PLPPR3: variants seen among roughly 807,000 people sequenced by gnomAD.
PLPPR3 encodes phospholipid phosphatase related 3.
A neutral mutation model predicts 27.3 loss-of-function variants in PLPPR3; 14 were observed. The ratio of observed to expected loss-of-function variants is 0.51; its 90% CI spans 0.34 to 0.80. The LOEUF (loss-of-function observed/expected upper bound fraction) is 0.80, where lower values mean the gene tolerates loss of function less well. PLPPR3 is among the 30% of genes least tolerant of loss of function. The pLI is 0.01. For missense variants in PLPPR3, 1,287 were observed against 1,056.9 expected (o/e 1.22, Z -3.02); for synonymous variants, 671 against 508.0 (o/e 1.32, Z -4.32).
Position 812,856 on chromosome 19 carries a change from AG to A in PLPPR3, c.1870del (p.Leu624TrpfsTer118). On this transcript the variant is annotated frameshift_variant, in exon 8 of 8. Transcript: ENST00000520876. LOFTEE classifies it low-confidence loss of function (END_TRUNC). ...GGCCCCGCCGCGGAAGCCGCGCGCC[AG>A]GTCCCCCAGCTCGTAGCCGCCGTCG... ...EADGGYELGD[L>X]ARGFRGGAKP... is the part of the protein sequence containing the mutation. 8.6e-7 allele frequency: 1 copy of A among 1,157,206 alleles called. No individual in the cohort carries two copies. Among genetic ancestry groups the A allele is most frequent in the South Asian group, 2.7e-5 (1 of 36,714 alleles). 71.7% of individuals were successfully genotyped at this position (1,157,206 alleles called of 1,614,324 possible).
rs755859311 is a variant in PLPPR3, at chr19:813,374, T to TTCCTCTTCGTCCTCC, written c.1338_1352dup (p.Asp448_Glu452dup). 6.7e-7 allele frequency: 1 copy of TTCCTCTTCGTCCTCC among 1,494,746 alleles called. No homozygotes were observed. 92.6% of individuals were successfully genotyped at this position (1,494,746 alleles called of 1,614,324 possible). A position where few individuals can be genotyped will look rare whatever the true frequency, so the allele number is the denominator to read the frequency against. On this transcript the variant is annotated inframe_insertion, in exon 8 of 8. Coordinates refer to ENST00000520876, the MANE Select transcript of PLPPR3 (RefSeq NM_001270366.2). This position sits in a 1 kb window ranked among gnomAD's most constrained non-coding sequence, Gnocchi z 4.1. ...CCTCCTCCTCTTCCTCCTCCTCCTCTTCCTCTTCGTCCTCCTCCTCTTCCT... is the reference window on the plus strand; with the variant it reads ...CCTCCTCCTCTTCCTCCTCCTCCTCTTCCTCTTCGTCCTCCTCCTCTTCGTCCTCCTCCTCTTCCT...
In PLPPR3 at chr19:812,546, CCG is replaced by C; in HGVS notation, c.*22_*23del. ...GCCGCCCGCGCCCTCGGCCCGCCCC[CCG>C]CCCGCCCCCGGCCCCGCCGCGCTAG... On this transcript the variant is annotated 3_prime_UTR_variant, in exon 8 of 8. Coordinates refer to ENST00000520876, the MANE Select transcript of PLPPR3 (RefSeq NM_001270366.2). The C allele has an allele frequency of 5.1e-6, 5 of 974,076 alleles. No individual in the cohort carries two copies. Among genetic ancestry groups the C allele is most frequent in the Non-Finnish European group, 6.1e-6 (5 of 817,448 alleles). The allele number at this position is 974,076 out of a possible 1,614,324, so 60.3% of individuals were successfully genotyped here.
rs1376622398 is a variant in PLPPR3 at position 819,224 on chromosome 19, G to A, written c.75+2261C>T. Among the ~76,000 whole-genome samples the A allele has an allele frequency of 5.1e-5, 5 of 97,370 alleles. 1 individual carries two copies. Among genetic ancestry groups the A allele is most frequent in the African/African-American group, 1.5e-4 (3 of 19,854 alleles). The allele number at this position is 97,370 out of a possible 152,430, so 63.9% of individuals were successfully genotyped here. A position where few individuals can be genotyped will look rare whatever the true frequency, so the allele number is the denominator to read the frequency against. ...ACTCCTGACCTCAGGTGATCTGCCC[G>A]TCCCGGCCTCCCAAAGTGCTGGGAT... On this transcript the variant is annotated intron_variant, in intron 2 of 7. Transcript: ENST00000520876.
rs748974708 is a variant in PLPPR3 at position 815,693 on chromosome 19, G to T, written c.234C>A (p.Ser78Arg). The change falls in exon 3 of 8, where the codon AGC becomes AGA. Residue 78 changes from serine to arginine, a missense_variant. Transcript: ENST00000520876. ...AGGCGGCAGGGGCCGCGAAGGCCAA[G>T]CTGAGCAGCATCAGCAGCGGGATGA... The part of the protein sequence containing the change: ...EELIPLLMLL[S>R]LAFAAPAASI... 1 of 1,603,214 alleles carries T rather than the reference G, an allele frequency of 6.2e-7. No homozygotes were observed. The highest frequency in any genetic ancestry group is 1.1e-5 in the South Asian group (1 of 89,812).
In PLPPR3 at chr19:821,180, C is replaced by T. The variant is rs539288410; in HGVS notation, c.75+305G>A. Reference sequence around the variant, plus strand: ...CCCACCCCCTCCGGCCTCCCCGCCCCCTCCAGGCCCCCAGCCCCCGACCCC... The same window carrying T: ...CCCACCCCCTCCGGCCTCCCCGCCCTCTCCAGGCCCCCAGCCCCCGACCCC... On this transcript the variant is annotated intron_variant, in intron 2 of 7. Coordinates refer to ENST00000520876, the MANE Select transcript of PLPPR3 (RefSeq NM_001270366.2). Among the ~76,000 whole-genome samples, 29 of 148,524 alleles carry T rather than the reference C, an allele frequency of 2.0e-4. 1 individual carries two copies. In the Admixed American group the frequency reaches 2.0e-3, roughly 10 times the overall value.
chr19:813,081 G>A lies in PLPPR3; in HGVS notation c.1646C>T (p.Pro549Leu). ...VIAMSKAPGA[P>L]GPKAAETASS... Reference sequence around the variant, plus strand: ...CGCCGTCTCGGCCGCCTTGGGGCCCGGCGCGCCCGGAGCCTTGGACATGGC... The same window carrying A: ...CGCCGTCTCGGCCGCCTTGGGGCCCAGCGCGCCCGGAGCCTTGGACATGGC... Residue 549 changes from proline to leucine, a missense_variant, in exon 8 of 8, where the codon CCG becomes CTG. Pro to Leu is a moderately conservative substitution (Grantham distance 98). Coordinates refer to ENST00000520876, the MANE Select transcript of PLPPR3 (RefSeq NM_001270366.2). This position sits in a 1 kb window ranked among gnomAD's most constrained non-coding sequence, Gnocchi z 4.1. The A allele has an allele frequency of 2.0e-6, 3 of 1,496,926 alleles. No homozygotes were observed. In the South Asian group the frequency reaches 3.8e-5, roughly 19 times the overall value. The allele number at this position is 1,496,926 out of a possible 1,614,324, so 92.7% of individuals were successfully genotyped here.
Position 813,167 on chromosome 19 carries a change from G to A in PLPPR3, c.1560C>T (p.Leu520=). The part of the protein sequence containing the change: ...KSGAGVRAKW[L]MMAEKSGAAV... ...CCGCCCCGCTCTTCTCGGCCATCAT[G>A]AGCCACTTGGCGCGCACCCCGGCGC... The change falls in exon 8 of 8, where the codon CTC becomes CTT. Residue 520 remains leucine (L), a synonymous_variant. Transcript: ENST00000520876. The surrounding 1 kb of genome is among the most constrained non-coding windows in gnomAD (Gnocchi z 4.1). 1 of 1,520,858 alleles carries A rather than the reference G, an allele frequency of 6.6e-7. No homozygotes were observed. The allele number at this position is 1,520,858 out of a possible 1,614,324, so 94.2% of individuals were successfully genotyped here. A position where few individuals can be genotyped will look rare whatever the true frequency, so the allele number is the denominator to read the frequency against.
chr19:813,167 G>T lies in PLPPR3; in HGVS notation c.1560C>A (p.Leu520=). The change falls in exon 8 of 8, where the codon CTC becomes CTA. Residue 520 remains leucine (L), a synonymous_variant. Coordinates refer to ENST00000520876, the MANE Select transcript of PLPPR3 (RefSeq NM_001270366.2). This position sits in a 1 kb window ranked among gnomAD's most constrained non-coding sequence, Gnocchi z 4.1. ...KSGAGVRAKW[L]MMAEKSGAAV... is the part of the protein sequence containing the mutation. The stretch of plus-strand genomic sequence containing the variant: ...CCGCCCCGCTCTTCTCGGCCATCAT[G>T]AGCCACTTGGCGCGCACCCCGGCGC... 1 of 1,520,858 alleles carries T rather than the reference G, an allele frequency of 6.6e-7. No homozygotes were observed. The allele number at this position is 1,520,858 out of a possible 1,614,324, so 94.2% of individuals were successfully genotyped here.
intron 4 of PLPPR3, 25 bp from the exon 5 acceptor site, chr19:815,106 G>T (rs1363286835): frequency 6.2e-7 from 1 of 1,601,376 alleles, no homozygotes; most frequent in South Asian, 1.1e-5. Flanking sequence ...GCTCGGCCAG[G>T]CGGGGAGCTG....
intron 2 of PLPPR3, among the ~76,000 whole-genome samples, chr19:817,254 A>C (rs1383726574): frequency 6.6e-6 from 1 of 152,070 alleles, no homozygotes; most frequent in Non-Finnish European, 1.5e-5. Flanking sequence ...CTGGGATTAG[A>C]GGCGTGAGGC....
intron 2 of PLPPR3, among the ~76,000 whole-genome samples, chr19:818,699 A>C (rs1482998096): frequency 6.6e-6 from 1 of 151,374 alleles, no homozygotes; most frequent in South Asian, 2.1e-4. Flanking sequence ...GCGCCCGGCT[A>C]ATTTTTTGTA....
At position 814,512 on chromosome 19, in the gene PLPPR3, C is replaced by T. The variant is rs756591811; in HGVS notation, c.753G>A (p.Thr251=). The T allele has an allele frequency of 4.3e-6, 7 of 1,611,072 alleles. No homozygotes were observed. The African/African-American group carries it at 5.3e-5, about 12-fold the overall frequency. Residue 251 remains threonine, a synonymous_variant, in exon 7 of 8, where the codon ACG becomes ACA. Coordinates refer to ENST00000520876, the MANE Select transcript of PLPPR3 (RefSeq NM_001270366.2). ...FAIAAGVCGL[T]QITQYRSHPV... The stretch of plus-strand genomic sequence containing the variant: ...GGTGGCTGCGGTACTGCGTGATCTG[C>T]GTGAGCCCGCATACGCCCGCGGCGA...
chr19:823,211 GC>G (rs2035174205), upstream of PLPPR3, among the ~76,000 whole-genome samples: 1 of 151,856 alleles, frequency 6.6e-6, no homozygotes, highest in African/African-American at 2.4e-5. Context: ...GGAGGCAGAG[GC>G]GGGAGGATCC....
At chr19:815,616 C>T (rs766843666) in intron 3 of PLPPR3, 50 bp downstream of exon 3, 1 of 1,517,160 alleles carries the variant, frequency 6.6e-7, no homozygotes, top group South Asian at 1.2e-5. Context: ...GGGGTGGGCT[C>T]CCAGCCGTGG....
intron 2 of PLPPR3, among the ~76,000 whole-genome samples, chr19:816,218 C>CCCAT (rs1217426619): frequency 2.7e-5 from 4 of 150,516 alleles, no homozygotes; most frequent in Non-Finnish European, 4.4e-5. Context: ...CCCAACGGTA[C>CCCAT]CCATCCATCC....
rs750604140 is a variant in PLPPR3 at position 814,862 on chromosome 19, A to G, written c.599+24T>C. On this transcript the variant is annotated intron_variant, in intron 5 of 7. Coordinates refer to ENST00000520876, the MANE Select transcript of PLPPR3 (RefSeq NM_001270366.2). Reference sequence around the variant, plus strand: ...CCGGGGCGGAAGAAGGCTCCCAGTCAGGGGAGTTGGGGGTCCGGCTCACCG... The same window carrying G: ...CCGGGGCGGAAGAAGGCTCCCAGTCGGGGGAGTTGGGGGTCCGGCTCACCG... 2.0e-5 allele frequency: 32 copies of G among 1,601,816 alleles called. No homozygotes were observed. In the Middle Eastern group the frequency reaches 6.6e-4, roughly 33 times the overall value.
upstream of PLPPR3, among the ~76,000 whole-genome samples, chr19:823,450 A>AAAAACAAAAAAAAC (rs1555703873): frequency 0.019 from 2,678 of 143,876 alleles, 62 homozygotes; most frequent in South Asian, 0.033. Context: ...TCAAAAAAAA[A>AAAAACAAAAAAAAC]AAAAAAAACA....
Position 813,978 on chromosome 19 carries a change from T to C in PLPPR3, c.832-83A>G. The C allele has an allele frequency of 7.3e-7, 1 of 1,374,122 alleles. No individual in the cohort carries two copies. Among genetic ancestry groups the C allele is most frequent in the Non-Finnish European group, 9.4e-7 (1 of 1,058,528 alleles). 85.1% of individuals were successfully genotyped at this position (1,374,122 alleles called of 1,614,324 possible). On this transcript the variant is annotated intron_variant, in intron 7 of 7. Transcript: ENST00000520876. This position sits in a 1 kb window ranked among gnomAD's most constrained non-coding sequence, Gnocchi z 4.1. ...GATCGTTGGACTTGCCGCGGGGGGCTCTGGACCGGGGGTGGGGGCTGGCAA... is the reference window on the plus strand; with the variant it reads ...GATCGTTGGACTTGCCGCGGGGGGCCCTGGACCGGGGGTGGGGGCTGGCAA...
intron 2 of PLPPR3, among the ~76,000 whole-genome samples, chr19:818,691 G>A (rs961152865): frequency 4.0e-5 from 6 of 151,734 alleles, no homozygotes; most frequent in Middle Eastern, 3.4e-3. Flanking sequence ...CCGCCACCGC[G>A]CCCGGCTAAT....
Sources: gnomAD v4.1 joint callset for allele counts (sites outside exome capture counted in the v4.1 genomes callset) on GRCh38, gnomAD v4.1.1 for gene constraint, Gnocchi (gnomAD v3.1) non-coding constraint, MANE v1.5 for transcripts, NCBI Gene and HGNC (gene_info 2026-07-23, HGNC 2026-07-21) for gene names.